TMEM120B: variants seen among roughly 807,000 people sequenced by gnomAD.
The protein encoded by TMEM120B is transmembrane protein 120B.
Under a neutral mutation model 55.5 loss-of-function variants are expected in TMEM120B, and 31 were observed. The ratio of observed to expected loss-of-function variants is 0.56; its 90% CI spans 0.42 to 0.75. The LOEUF is 0.75. Among genes scored for constraint, TMEM120B ranks in the 30% least tolerant of loss-of-function variants. The probability of loss-of-function intolerance (pLI) is 0.00; values close to 1 mark genes in which losing one functional copy is unlikely to be tolerated. For synonymous variants in TMEM120B, 203 were observed against 176.3 expected, an observed-to-expected ratio of 1.15 and a Z score of -1.20; for missense variants, 399 against 425.5, an observed-to-expected ratio of 0.94 and a Z score of 0.55.
intron 6 of TMEM120B, among the ~76,000 whole-genome samples, chr12:121,764,399 A>G (rs1162296856): frequency 1.3e-5 from 2 of 152,274 alleles, no homozygotes; most frequent in Non-Finnish European, 2.9e-5. Flanking sequence ...GCATGCCTGT[A>G]ATCCCAGCTA....
chr12:121,750,362 A>G lies in TMEM120B; in HGVS notation c.306-18A>G. 6.2e-7 allele frequency: 1 copy of G among 1,610,970 alleles called. No homozygotes were observed. The highest frequency in any genetic ancestry group is 1.7e-4 in the Middle Eastern group (1 of 6,054). On this transcript the variant is annotated intron_variant, in intron 3 of 11. Coordinates refer to ENST00000449592, the MANE Select transcript of TMEM120B (RefSeq NM_001080825.2). The stretch of plus-strand genomic sequence containing the variant: ...CCACCTGCTAAGGATCATGCCCCTC[A>G]CAGGTGTTTCCTTCCAGGCTCTACT...
At chr12:121,742,218 G>T (rs1245490873) in intron 1 of TMEM120B, among the ~76,000 whole-genome samples, 1 of 151,956 alleles carries the variant, frequency 6.6e-6, no homozygotes, top group Non-Finnish European at 1.5e-5. Flanking sequence ...GGTCAGGCTG[G>T]TCTCGAACTC....
chr12:121,734,291 T>C (rs1460957170), intron 1 of TMEM120B, among the ~76,000 whole-genome samples: 2 of 151,918 alleles, frequency 1.3e-5, no homozygotes, highest in East Asian at 3.9e-4. Context: ...GGAGTTTTGC[T>C]CTTGTTGCCC....
At chr12:121,774,852 G>T (rs1465132322) in intron 10 of TMEM120B, 130 bp downstream of exon 10, 17 of 1,256,570 alleles carry the variant, frequency 1.4e-5, no homozygotes, top group Non-Finnish European at 1.6e-5. Context: ...GGCCGGGGCA[G>T]CCTCTGGGCC....
intron 6 of TMEM120B, among the ~76,000 whole-genome samples, chr12:121,763,130 G>T (rs1873732991): frequency 6.6e-6 from 1 of 151,480 alleles, no homozygotes; most frequent in South Asian, 2.1e-4. Flanking sequence ...ATTCCTTTTG[G>T]GGGTGGCCAT....
rs1874328935 is a variant in TMEM120B at position 121,778,652 on chromosome 12, T to C, written c.*2930T>C. ...TCGCCTCCTGAACTCCACAGGCTGG[T>C]AGAAGCGGGGCTTGAGGGACAGCAG... On this transcript the variant is annotated 3_prime_UTR_variant, in exon 12 of 12. Transcript: ENST00000449592. 6.6e-6 allele frequency: 1 copy of C among 151,882 alleles called. No individual in the cohort carries two copies. The highest frequency in any genetic ancestry group is 2.4e-5 in the African/African-American group (1 of 41,292). The allele number at this position is 151,882 out of a possible 1,614,324, so 9.4% of individuals were successfully genotyped here. A position where few individuals can be genotyped will look rare whatever the true frequency, so the allele number is the denominator to read the frequency against.
intron 1 of TMEM120B, among the ~76,000 whole-genome samples, chr12:121,734,428 T>TTTGG: frequency 6.6e-6 from 1 of 151,760 alleles, no homozygotes; most frequent in African/African-American, 2.4e-5. Flanking sequence ...CTGGCTAATT[T>TTTGG]TGTACTTTTA....
In TMEM120B at chr12:121,758,503, C is replaced by T. The variant is rs571732916; in HGVS notation, c.462-3146C>T. On this transcript the variant is annotated intron_variant, in intron 5 of 11. Transcript: ENST00000449592. Reference sequence around the variant, plus strand: ...ACCATGGAGGAGGACGGCCCAGCCCCGCGCTGTGGTCACCATGGAGGAGGA... The same window carrying T: ...ACCATGGAGGAGGACGGCCCAGCCCTGCGCTGTGGTCACCATGGAGGAGGA... The T allele has an allele frequency of 8.9e-5, 87 of 975,632 alleles. 1 individual carries two copies. In the African/African-American group the frequency reaches 1.4e-3, roughly 16 times the overall value. The allele number at this position is 975,632 out of a possible 1,614,324, so 60.4% of individuals were successfully genotyped here.
intron 8 of TMEM120B, among the ~76,000 whole-genome samples, 160 bp downstream of exon 8, chr12:121,771,709 C>T (rs900000646): frequency 6.6e-6 from 1 of 152,050 alleles, no homozygotes; most frequent in East Asian, 1.9e-4. Context: ...CTGTCCCCGC[C>T]CCAGGTCAGC....
chr12:121,770,893 C>G lies in TMEM120B; in HGVS notation c.552-14C>G. The G allele has an allele frequency of 6.2e-7, 1 of 1,613,940 alleles. No individual in the cohort carries two copies. Among genetic ancestry groups the G allele is most frequent in the Non-Finnish European group, 8.5e-7 (1 of 1,179,898 alleles). On this transcript the variant is annotated splice_polypyrimidine_tract_variant and intron_variant, in intron 6 of 11. Transcript: ENST00000449592. The stretch of plus-strand genomic sequence containing the variant: ...TCCCCTCCTGAGCACTTTCCGTTCT[C>G]TCCCTCTCCCGAGAATTAAAGGCTG...
At position 121,764,966 on chromosome 12, in the gene TMEM120B, T is replaced by C. The variant is rs534447038; in HGVS notation, c.551+3228T>C. Among the ~76,000 whole-genome samples the C allele has an allele frequency of 8.9e-4, 135 of 152,214 alleles. 1 individual carries two copies. Among genetic ancestry groups the C allele is most frequent in the Middle Eastern group, 6.8e-3 (2 of 294 alleles). The stretch of plus-strand genomic sequence containing the variant: ...GGGATGGTTGTCCCTGAGCTTGCAA[T>C]TCAAAGCTTCGTGTGAGTCTGCTCT... On this transcript the variant is annotated intron_variant, in intron 6 of 11. Coordinates refer to ENST00000449592, the MANE Select transcript of TMEM120B (RefSeq NM_001080825.2).
intron 8 of TMEM120B, among the ~76,000 whole-genome samples, chr12:121,772,824 A>T (rs1030228139): frequency 2.6e-5 from 4 of 152,226 alleles, no homozygotes; most frequent in African/African-American, 9.6e-5. Context: ...ATATCAGCCC[A>T]CCCTAGAGGT....
At chr12:121,773,032 A>C (rs936725683) in intron 8 of TMEM120B, among the ~76,000 whole-genome samples, 3 of 152,176 alleles carry the variant, frequency 2.0e-5, no homozygotes, top group Admixed American at 2.0e-4. Context: ...TTTTAGCAAC[A>C]ACGAAGTATC....
Position 121,779,597 on chromosome 12 carries a change from C to A in TMEM120B, c.*3875C>A. On this transcript the variant is annotated 3_prime_UTR_variant, in exon 12 of 12. Transcript: ENST00000449592. ...CCTCCCGGAAGACGTCCTCCACATT[C>A]TCCCGAAACTTGGCGGAACATTCCA... 6.2e-7 allele frequency: 1 copy of A among 1,614,242 alleles called. No homozygotes were observed. Among genetic ancestry groups the A allele is most frequent in the Non-Finnish European group, 8.5e-7 (1 of 1,180,036 alleles).
chr12:121,737,486 C>G (rs1872781970), intron 1 of TMEM120B, among the ~76,000 whole-genome samples: 2 of 151,022 alleles, frequency 1.3e-5, no homozygotes, highest in Non-Finnish European at 2.9e-5. Context: ...GCGTGGGTGA[C>G]AGAGCAAGAC....
intron 6 of TMEM120B, among the ~76,000 whole-genome samples, 166 bp downstream of exon 6, chr12:121,761,904 C>G (rs1056960696): frequency 6.6e-6 from 1 of 152,100 alleles, no homozygotes; most frequent in Admixed American, 6.6e-5. Context: ...GCTGTTGATG[C>G]GGCAGCTCTT....
At position 121,775,584 on chromosome 12, in the gene TMEM120B, C is replaced by T. The variant is rs765264554; in HGVS notation, c.907-25C>T. On this transcript the variant is annotated intron_variant, in intron 11 of 11. Coordinates refer to ENST00000449592, the MANE Select transcript of TMEM120B (RefSeq NM_001080825.2). The surrounding 1 kb of genome is among the most constrained non-coding windows in gnomAD (Gnocchi z 4.3). ...TTCAGCAGGGCAGATGCCCCAGCCT[C>T]GCCCTCCTCTCTGGACTCCCCCAGG... is the stretch of plus-strand genomic sequence containing the variant. 8.1e-6 allele frequency: 13 copies of T among 1,602,860 alleles called. No individual in the cohort carries two copies. Among genetic ancestry groups the T allele is most frequent in the Admixed American group, 1.7e-5 (1 of 59,490 alleles).
intron 1 of TMEM120B, among the ~76,000 whole-genome samples, chr12:121,729,075 CCA>C (rs1347297871): frequency 6.6e-6 from 1 of 152,210 alleles, no homozygotes; most frequent in Non-Finnish European, 1.5e-5. Flanking sequence ...CTGCTTCTAG[CCA>C]CATTTCATGG....
intron 1 of TMEM120B, 31 bp downstream of exon 1, chr12:121,712,995 T>C: frequency 6.6e-7 from 1 of 1,511,706 alleles, no homozygotes. Context: ...CCCGCAACTC[T>C]GCTGCCCGCG....
Sources: gnomAD v4.1 joint callset for allele counts (sites outside exome capture counted in the v4.1 genomes callset) on GRCh38, gnomAD v4.1.1 for gene constraint, Gnocchi (gnomAD v3.1) non-coding constraint, MANE v1.5 for transcripts, NCBI Gene and HGNC (gene_info 2026-07-23, HGNC 2026-07-21) for gene names.